SNX18: variants seen among roughly 807,000 people sequenced by gnomAD.
SNX18 encodes sorting nexin 18, also known as sorting nexin-18.
In SNX18, 35 loss-of-function variants were observed where a neutral mutation model predicts 48.7. The ratio of observed to expected loss-of-function variants is 0.72; its 90% CI spans 0.55 to 0.95. SNX18 has a LOEUF of 0.95. Among genes scored for constraint, SNX18 ranks in the 40% least tolerant of loss-of-function variants. The pLI is 0.00. For missense variants in SNX18, 824 were observed against 871.0 expected (o/e 0.95, Z 0.68); for synonymous variants, 492 against 384.7 (o/e 1.28, Z -3.26).
the SNX18 span, among the ~76,000 whole-genome samples, chr5:54,561,504 A>ATTTTATTT: frequency 7.5e-6 from 1 of 133,008 alleles, no homozygotes; most frequent in East Asian, 2.2e-4. Context: ...CGCCCAGCTA[A>ATTTTATTT]TTTTTTTTTT....
chr5:54,594,507 G>T, the SNX18 span, among the ~76,000 whole-genome samples: 2 of 152,126 alleles, frequency 1.3e-5, no homozygotes, highest in African/African-American at 4.8e-5. Flanking sequence ...ACTTATGAGG[G>T]TGGTTTGCTG....
At chr5:54,630,883 C>T in the SNX18 span, among the ~76,000 whole-genome samples, 1 of 150,622 alleles carries the variant, frequency 6.6e-6, no homozygotes, top group Non-Finnish European at 1.5e-5. Flanking sequence ...CAGCCAACAT[C>T]TGGTGCAGGA....
chr5:54,627,525 A>T, the SNX18 span, among the ~76,000 whole-genome samples: 1 of 152,136 alleles, frequency 6.6e-6, no homozygotes, highest in African/African-American at 2.4e-5. Flanking sequence ...GTTCTTTGTT[A>T]TAAAAGATTC....
the SNX18 span, among the ~76,000 whole-genome samples, chr5:54,625,807 G>A: frequency 6.6e-6 from 1 of 152,140 alleles, no homozygotes; most frequent in Non-Finnish European, 1.5e-5. Flanking sequence ...CCTGGCCAAC[G>A]AGACTTCACC....
At chr5:54,576,942 C>T in the SNX18 span, among the ~76,000 whole-genome samples, 1,975 of 152,220 alleles carry the variant, frequency 0.013, 32 homozygotes, top group Non-Finnish European at 0.021. Context: ...GCTGGGATTA[C>T]GGGCGCCCAC....
At chr5:54,550,623 G>A (rs1402755609), downstream of SNX18, among the ~76,000 whole-genome samples, 1 of 152,066 alleles carries the variant, frequency 6.6e-6, no homozygotes, top group African/African-American at 2.4e-5. Flanking sequence ...TTGGTCTGTC[G>A]CCCAGGCTGG....
chr5:54,623,075 C>T, the SNX18 span, among the ~76,000 whole-genome samples: 1 of 152,164 alleles, frequency 6.6e-6, no homozygotes, highest in Non-Finnish European at 1.5e-5. Context: ...CCCTTTCAAA[C>T]ACATGACATT....
the SNX18 span, among the ~76,000 whole-genome samples, chr5:54,567,201 ATGTGTGTGTGTATG>A: frequency 2.0e-5 from 3 of 151,512 alleles, no homozygotes; most frequent in Non-Finnish European, 4.4e-5. Context: ...GGATGTGTGT[ATGTGTGTGTGTATG>A]TGTGTGTGTG....
the SNX18 span, among the ~76,000 whole-genome samples, chr5:54,584,753 C>G: frequency 4.6e-4 from 70 of 152,210 alleles, no homozygotes; most frequent in Admixed American, 2.8e-3. Flanking sequence ...GTATTGCAAT[C>G]CTTGACCACC....
At chr5:54,617,112 A>G in the SNX18 span, among the ~76,000 whole-genome samples, 1 of 152,224 alleles carries the variant, frequency 6.6e-6, no homozygotes, top group Non-Finnish European at 1.5e-5. Context: ...GGCCCCTTCA[A>G]AGAAAGTCAG....
At chr5:54,611,826 G>A in the SNX18 span, among the ~76,000 whole-genome samples, 2 of 152,070 alleles carry the variant, frequency 1.3e-5, no homozygotes, top group Non-Finnish European at 2.9e-5. Context: ...GGTGAGGCAG[G>A]GTGCCTGGAG....
chr5:54,542,326 T>A (rs1762486988), intron 1 of SNX18, among the ~76,000 whole-genome samples: 1 of 152,196 alleles, frequency 6.6e-6, no homozygotes, highest in Non-Finnish European at 1.5e-5. Context: ...TTGATACTTC[T>A]AGGCATGAGA....
chr5:54,564,267 AAAATAAATAAAT>A, the SNX18 span, among the ~76,000 whole-genome samples: 2 of 151,962 alleles, frequency 1.3e-5, no homozygotes, highest in African/African-American at 2.4e-5. Context: ...ACTCCATCTC[AAAATAAATAAAT>A]AAATAAATAA....
the SNX18 span, among the ~76,000 whole-genome samples, chr5:54,594,402 C>A: frequency 6.6e-6 from 1 of 152,166 alleles, no homozygotes; most frequent in East Asian, 1.9e-4. Context: ...CACAGCCAAT[C>A]TGAGGTTGCT....
chr5:54,534,922 CTAAG>C (rs947647065), intron 1 of SNX18, among the ~76,000 whole-genome samples: 26 of 152,228 alleles, frequency 1.7e-4, no homozygotes, highest in African/African-American at 5.8e-4. Context: ...CATTGAAATC[CTAAG>C]TGTTAGCGTT....
chr5:54,593,642 A>G, the SNX18 span, among the ~76,000 whole-genome samples: 2 of 152,246 alleles, frequency 1.3e-5, no homozygotes, highest in African/African-American at 4.8e-5. Flanking sequence ...CCCGATTTCT[A>G]GACTTAAAGC....
chr5:54,617,174 T>C, the SNX18 span, among the ~76,000 whole-genome samples: 2 of 152,234 alleles, frequency 1.3e-5, no homozygotes, highest in South Asian at 2.1e-4. Flanking sequence ...AATTCACCAG[T>C]GAAGCCGCAA....
the SNX18 span, among the ~76,000 whole-genome samples, chr5:54,603,268 TA>T: frequency 1.3e-5 from 2 of 151,434 alleles, no homozygotes; most frequent in African/African-American, 4.8e-5. Context: ...AGAGATAGGC[TA>T]TCACTCTGTC....
In SNX18 at chr5:54,519,143, C is replaced by T. The variant is rs754898536; in HGVS notation, c.1191C>T (p.Ala397=). ...CCTGGAAGCAGGGCAAGAGGAAGGC[C>T]GAGAAGGACGAGATGGTGGGCGCCA... The part of the protein sequence containing the change: ...EKAWKQGKRK[A]EKDEMVGANF... Residue 397 remains alanine (A), a synonymous_variant, in exon 1 of 2, where the codon GCC becomes GCT. Transcript: ENST00000381410. 1.2e-5 allele frequency: 19 copies of T among 1,613,994 alleles called. No individual in the cohort carries two copies. The highest frequency in any genetic ancestry group is 1.7e-5 in the Admixed American group (1 of 59,996).
Sources: allele counts gnomAD v4.1 joint callset (sites outside exome capture counted in the v4.1 genomes callset), GRCh38; gene constraint gnomAD v4.1.1; transcripts MANE v1.5; gene names NCBI Gene and HGNC (gene_info 2026-07-23, HGNC 2026-07-21).